AGAP1: variants seen among roughly 807,000 people sequenced by gnomAD.
AGAP1 encodes ArfGAP with GTPase domain, ankyrin repeat and PH domain 1.
A neutral mutation model predicts 105.3 loss-of-function variants in AGAP1; 29 were observed. That is an observed-to-expected ratio of 0.28 (90% CI 0.21 to 0.38). The LOEUF is 0.38. Ranked by LOEUF, AGAP1 falls within the 10% of genes least tolerant of loss-of-function variation. The pLI, the probability that AGAP1 is intolerant of heterozygous loss-of-function variation, is 1.00. For synonymous variants in AGAP1, 509 were observed against 485.9 expected (o/e 1.05, Z -0.63); for missense variants, 998 against 1,165.1 (o/e 0.86, Z 2.09).
In AGAP1 at chr2:235,689,771, T is replaced by TG. The variant is rs2149436644; in HGVS notation, c.164-19407dup. Among the ~76,000 whole-genome samples the TG allele has an allele frequency of 6.6e-6, 1 of 152,326 alleles. No homozygotes were observed. Among genetic ancestry groups the TG allele is most frequent in the South Asian group, 2.1e-4 (1 of 4,822 alleles). ...TCCTGCATGTGTGTACGTGCACACT[T>TG]GTGTGACGTGTCAGCTCGTGCCTGC... On this transcript the variant is annotated intron_variant, in intron 1 of 17. Coordinates refer to ENST00000304032, the MANE Select transcript of AGAP1 (RefSeq NM_001037131.3). The surrounding 1 kb of genome is among the most constrained non-coding windows in gnomAD (Gnocchi z 4.2).
Position 235,688,130 on chromosome 2 carries a change from A to G in AGAP1, c.164-21049A>G, listed in dbSNP as rs191778402. On this transcript the variant is annotated intron_variant, in intron 1 of 17. Coordinates refer to ENST00000304032, the MANE Select transcript of AGAP1 (RefSeq NM_001037131.3). ...CTGGCCAGGCTGGTCTCAAAGTCCC[A>G]ACCTTGATCAAGTGATCTGCCCACC... Among the ~76,000 whole-genome samples the G allele has an allele frequency of 1.1e-3, 173 of 152,102 alleles. 1 individual carries two copies. In the South Asian group the frequency reaches 0.012, roughly 11 times the overall value.
chr2:235,980,533 G>A (rs543091985), intron 13 of AGAP1, among the ~76,000 whole-genome samples: 1 of 152,288 alleles, frequency 6.6e-6, no homozygotes, highest in East Asian at 1.9e-4. Flanking sequence ...ATTTGCCGCT[G>A]AGCACACATG....
rs2058029422 is a variant in AGAP1 at position 236,055,587 on chromosome 2, G to A, written c.2114+6306G>A. On this transcript the variant is annotated intron_variant, in intron 16 of 17. Coordinates refer to ENST00000304032, the MANE Select transcript of AGAP1 (RefSeq NM_001037131.3). The surrounding 1 kb of genome is among the most constrained non-coding windows in gnomAD (Gnocchi z 6.2). ...GGCCTGCCCTGGCCCCAGCCGCAGA[G>A]CGGGTCCACCCTCCCAGTTTCCCCG... Among the ~76,000 whole-genome samples, 1 of 152,272 alleles carries A rather than the reference G, an allele frequency of 6.6e-6. No individual in the cohort carries two copies. The highest frequency in any genetic ancestry group is 2.4e-5 in the African/African-American group (1 of 41,480).
chr2:236,056,268 C>T lies in AGAP1; in HGVS notation c.2114+6987C>T, dbSNP rs2058050066. 6.6e-6 allele frequency among the ~76,000 whole-genome samples: 1 copy of T among 152,188 alleles called. No homozygotes were observed. The highest frequency in any genetic ancestry group is 2.4e-5 in the African/African-American group (1 of 41,450). On this transcript the variant is annotated intron_variant, in intron 16 of 17. Transcript: ENST00000304032. This position sits in a 1 kb window ranked among gnomAD's most constrained non-coding sequence, Gnocchi z 4.6. ...CATGCCGCCTGCCACACAGGAACCC[C>T]AGTTATTTGTTTGATCCTGCAAGAA...
At chr2:235,563,460 C>T (rs552457759) in intron 1 of AGAP1, among the ~76,000 whole-genome samples, 3 of 152,274 alleles carry the variant, frequency 2.0e-5, no homozygotes, top group African/African-American at 7.2e-5. Flanking sequence ...ACTAAGATGC[C>T]TCGGCTCCTT....
intron 1 of AGAP1, among the ~76,000 whole-genome samples, chr2:235,695,744 G>T (rs2149457430): frequency 1.3e-5 from 2 of 152,326 alleles, no homozygotes; most frequent in South Asian, 4.1e-4. Flanking sequence ...AGGTAAGTCA[G>T]CAGGGGCACA....
rs555862177 is a variant in AGAP1, at chr2:235,716,743, C to T, written c.223-814C>T. On this transcript the variant is annotated intron_variant, in intron 2 of 17. Transcript: ENST00000304032. The surrounding 1 kb of genome is among the most constrained non-coding windows in gnomAD (Gnocchi z 4.0). ...CCCAAGCACAGGGAAAGGGAGGCTC[C>T]CTGTAGGATCGGCCACTTGGAGGCT... is the stretch of plus-strand genomic sequence containing the variant. 6.6e-6 allele frequency among the ~76,000 whole-genome samples: 1 copy of T among 152,144 alleles called. No individual in the cohort carries two copies. The highest frequency in any genetic ancestry group is 1.9e-4 in the East Asian group (1 of 5,156).
chr2:236,117,174 A>T (rs2059791178), intron 16 of AGAP1, among the ~76,000 whole-genome samples: 1 of 152,202 alleles, frequency 6.6e-6, no homozygotes, highest in African/African-American at 2.4e-5. Flanking sequence ...AGGAATCTCC[A>T]CACTGTTTTC....
At chr2:235,541,689 T>C (rs1943447564) in intron 1 of AGAP1, among the ~76,000 whole-genome samples, 1 of 152,156 alleles carries the variant, frequency 6.6e-6, no homozygotes, top group Non-Finnish European at 1.5e-5. Context: ...GTGCCCGGCC[T>C]CCATTCTTAA....
intron 1 of AGAP1, among the ~76,000 whole-genome samples, chr2:235,693,722 C>T (rs948909578): frequency 6.6e-6 from 1 of 152,164 alleles, no homozygotes; most frequent in African/African-American, 2.4e-5. Flanking sequence ...AGTAGTAGTA[C>T]TTGCTATTCT....
At chr2:235,810,625 C>T (rs764691813) in intron 9 of AGAP1, among the ~76,000 whole-genome samples, 24 of 152,176 alleles carry the variant, frequency 1.6e-4, no homozygotes, top group Non-Finnish European at 2.4e-4. Flanking sequence ...TGTAAGCATC[C>T]AGGCTCCCCC....
chr2:235,895,741 GGATGGATGAA>G, intron 10 of AGAP1, among the ~76,000 whole-genome samples: 1 of 69,482 alleles, frequency 1.4e-5, no homozygotes, highest in Non-Finnish European at 3.8e-5. Flanking sequence ...ATGGATGGAT[GGATGGATGAA>G]TGGAGGCACA....
intron 11 of AGAP1, among the ~76,000 whole-genome samples, chr2:235,910,239 G>A (rs1405525053): frequency 6.6e-6 from 1 of 152,298 alleles, no homozygotes; most frequent in African/African-American, 2.4e-5. Context: ...CACTGAGCTG[G>A]TTCCTTCCCA....
Position 235,615,947 on chromosome 2 carries a change from A to C in AGAP1, c.164-93232A>C, listed in dbSNP as rs1416055320. Among the ~76,000 whole-genome samples, 2 of 152,238 alleles carry C rather than the reference A, an allele frequency of 1.3e-5. No homozygotes were observed. Among genetic ancestry groups the C allele is most frequent in the African/African-American group, 4.8e-5 (2 of 41,460 alleles). On this transcript the variant is annotated intron_variant, in intron 1 of 17. Coordinates refer to ENST00000304032, the MANE Select transcript of AGAP1 (RefSeq NM_001037131.3). The surrounding 1 kb of genome is among the most constrained non-coding windows in gnomAD (Gnocchi z 5.0). ...ATATGTAAAGAGTTCTTATAAAACA[A>C]TAAGAAAAATATTTCCTAACTAAAG...
rs1038188574 is a variant in AGAP1, at chr2:235,732,403, G to A, written c.311-8560G>A. 2.0e-5 allele frequency among the ~76,000 whole-genome samples: 3 copies of A among 152,188 alleles called. No homozygotes were observed. Among genetic ancestry groups the A allele is most frequent in the African/African-American group, 4.8e-5 (2 of 41,504 alleles). ...AAATGCCGTTTTGATCCTCAGATCT[G>A]GACGTTTCCATTTTATCTCATATTG... is the stretch of plus-strand genomic sequence containing the variant. On this transcript the variant is annotated intron_variant, in intron 3 of 17. Transcript: ENST00000304032. This position sits in a 1 kb window ranked among gnomAD's most constrained non-coding sequence, Gnocchi z 4.8.
At chr2:235,681,843 C>CT (rs56934868) in intron 1 of AGAP1, among the ~76,000 whole-genome samples, 3,290 of 78,374 alleles carry the variant, frequency 0.042, 231 homozygotes, top group Non-Finnish European at 0.062. Flanking sequence ...ATTTAGTTTG[C>CT]TTTTTTTTTT....
rs528714136 is a variant in AGAP1 at position 236,061,988 on chromosome 2, G to A, written c.2114+12707G>A. Among the ~76,000 whole-genome samples the A allele has an allele frequency of 6.6e-5, 10 of 152,316 alleles. No homozygotes were observed. In the South Asian group the frequency reaches 2.1e-3, roughly 32 times the overall value. On this transcript the variant is annotated intron_variant, in intron 16 of 17. Coordinates refer to ENST00000304032, the MANE Select transcript of AGAP1 (RefSeq NM_001037131.3). This position sits in a 1 kb window ranked among gnomAD's most constrained non-coding sequence, Gnocchi z 4.1. ...CGTACAGGAACGCATGCTGGGTGGC[G>A]GGGGCCTGGGTGCGGGCCGAGGGCT...
At position 236,055,834 on chromosome 2, in the gene AGAP1, G is replaced by A. The variant is rs549609714; in HGVS notation, c.2114+6553G>A. On this transcript the variant is annotated intron_variant, in intron 16 of 17. Coordinates refer to ENST00000304032, the MANE Select transcript of AGAP1 (RefSeq NM_001037131.3). This position sits in a 1 kb window ranked among gnomAD's most constrained non-coding sequence, Gnocchi z 6.2. ...GCAAGCCAACTTGGAATCAGACTGA[G>A]AGAACCATAACTCACTTAGCCACCC... 3.6e-4 allele frequency among the ~76,000 whole-genome samples: 55 copies of A among 152,356 alleles called. No individual in the cohort carries two copies. Among genetic ancestry groups the A allele is most frequent in the Middle Eastern group, 3.4e-3 (1 of 294 alleles).
chr2:235,900,849 G>A lies in AGAP1; in HGVS notation c.1156-7889G>A, dbSNP rs1303102912. On this transcript the variant is annotated intron_variant, in intron 10 of 17. Transcript: ENST00000304032. This position sits in a 1 kb window ranked among gnomAD's most constrained non-coding sequence, Gnocchi z 5.5. ...GTCACTGTCATGCACTTACAAGCAT[G>A]GGTCAGGTAGTCTTCAGGAACGCAG... Among the ~76,000 whole-genome samples, 1 of 152,188 alleles carries A rather than the reference G, an allele frequency of 6.6e-6. No homozygotes were observed. Among genetic ancestry groups the A allele is most frequent in the African/African-American group, 2.4e-5 (1 of 41,450 alleles).
Sources: allele counts gnomAD v4.1 joint callset (sites outside exome capture counted in the v4.1 genomes callset), GRCh38; gene constraint gnomAD v4.1.1; non-coding constraint Gnocchi (gnomAD v3.1); transcripts MANE v1.5; gene names NCBI Gene and HGNC (gene_info 2026-07-23, HGNC 2026-07-21).